Variants in FBXO36 observed in about 807,000 individuals in gnomAD.
FBXO36 encodes F-box protein 36, also known as F-box only protein 36.
Under a neutral mutation model 17.0 loss-of-function variants are expected in FBXO36, and 18 were observed. The ratio of observed to expected loss-of-function variants is 1.06; its 90% CI spans 0.73 to 1.57. The LOEUF is 1.57. Among genes scored for constraint, FBXO36 ranks in the 40% most tolerant of loss-of-function variants. The pLI is 0.00. For synonymous variants in FBXO36, 83 were observed against 85.3 expected (o/e 0.97, Z 0.15); for missense variants, 229 against 221.9 (o/e 1.03, Z -0.20).
chr2:229,964,228 T>TA (rs1158667835), intron 1 of FBXO36, among the ~76,000 whole-genome samples: 1 of 152,194 alleles, frequency 6.6e-6, no homozygotes, highest in African/African-American at 2.4e-5. Flanking sequence ...ATGCTTTTAA[T>TA]ACAGTAAAAA....
rs183365298 is a variant in FBXO36 at position 229,967,589 on chromosome 2, G to A, written c.97-8652G>A. Among the ~76,000 whole-genome samples, 14 of 152,230 alleles carry A rather than the reference G, an allele frequency of 9.2e-5. 1 individual carries two copies. The East Asian group carries it at 2.7e-3, about 29-fold the overall frequency. Reference sequence around the variant, plus strand: ...TTTATTGAGAGTTTTTAGCATGAAGGGCTGTTGAATTTCATCAGAGGCCTT... The same window carrying A: ...TTTATTGAGAGTTTTTAGCATGAAGAGCTGTTGAATTTCATCAGAGGCCTT... On this transcript the variant is annotated intron_variant, in intron 1 of 3. Transcript: ENST00000283946.
intron 2 of FBXO36, among the ~76,000 whole-genome samples, chr2:229,995,282 C>T (rs1157701602): frequency 1.3e-5 from 2 of 152,176 alleles, no homozygotes; most frequent in Non-Finnish European, 2.9e-5. Flanking sequence ...AACAAGTTTT[C>T]ATTTCTTGTT....
rs1279873820 is a variant in FBXO36, at chr2:229,938,478, ACTTT to A, written c.96+15874_96+15877del. 9.0e-5 allele frequency among the ~76,000 whole-genome samples: 10 copies of A among 111,150 alleles called. No individual in the cohort carries two copies. In the South Asian group the frequency reaches 1.1e-3, roughly 12 times the overall value. 72.9% of individuals were successfully genotyped at this position (111,150 alleles called of 152,430 possible). On this transcript the variant is annotated intron_variant, in intron 1 of 3. Transcript: ENST00000283946. ...CGCCAGACCGGATTGGTTAGATACA[ACTTT>A]CTTTTTTTTTTTTTTTCTTGAAGTG... is the stretch of plus-strand genomic sequence containing the variant.
At position 229,975,126 on chromosome 2, in the gene FBXO36, A is replaced by G. The variant is rs559993753; in HGVS notation, c.97-1115A>G. Among the ~76,000 whole-genome samples the G allele has an allele frequency of 1.2e-4, 19 of 152,346 alleles. No individual in the cohort carries two copies. In the South Asian group the frequency reaches 3.9e-3, roughly 32 times the overall value. ...ACACAGCCTTTAAGTGCAGTCCATA[A>G]CCATGGAAATGAAGTTTGCTTCAGA... On this transcript the variant is annotated intron_variant, in intron 1 of 3. Transcript: ENST00000283946.
At chr2:229,923,260 A>T (rs1232657596) in intron 1 of FBXO36, 1 of 150,296 alleles carries the variant, frequency 6.7e-6, no homozygotes, top group Non-Finnish European at 1.5e-5. Context: ...CAACAATAAG[A>T]CCGAGGATTA....
At chr2:229,937,671 T>A (rs962758098) in intron 1 of FBXO36, 1 of 152,248 alleles carries the variant, frequency 6.6e-6, no homozygotes, top group African/African-American at 2.4e-5. Flanking sequence ...CCAATCTTCC[T>A]GATCTCAAGT....
chr2:229,958,786 G>A (rs945678864), intron 1 of FBXO36, among the ~76,000 whole-genome samples: 5 of 152,080 alleles, frequency 3.3e-5, no homozygotes, highest in African/African-American at 9.7e-5. Context: ...CTACATTCTC[G>A]CCCTGTATGT....
At chr2:229,991,083 G>T (rs2077295457) in intron 2 of FBXO36, among the ~76,000 whole-genome samples, 1 of 151,864 alleles carries the variant, frequency 6.6e-6, no homozygotes, top group Non-Finnish European at 1.5e-5. Context: ...TTGCAGGCAA[G>T]CACCACCATG....
chr2:230,006,166 G>A (rs2077386352), intron 3 of FBXO36, among the ~76,000 whole-genome samples: 1 of 146,702 alleles, frequency 6.8e-6, no homozygotes, highest in Non-Finnish European at 1.5e-5. Flanking sequence ...CACAATCTTG[G>A]CTCACTGTAA....
At chr2:229,962,803 G>A (rs1391783026) in intron 1 of FBXO36, among the ~76,000 whole-genome samples, 4 of 151,292 alleles carry the variant, frequency 2.6e-5, no homozygotes, top group African/African-American at 7.3e-5. Context: ...TCAGACTTCC[G>A]AGTAGCTGGG....
chr2:229,949,536 T>TACAC (rs2077043906), intron 1 of FBXO36, among the ~76,000 whole-genome samples: 1 of 40,596 alleles, frequency 2.5e-5, no homozygotes, highest in South Asian at 1.5e-3. Context: ...ATGTAAAATG[T>TACAC]ATACACACAC....
chr2:229,929,241 C>T (rs2076927063), intron 1 of FBXO36, among the ~76,000 whole-genome samples: 1 of 149,978 alleles, frequency 6.7e-6, no homozygotes, highest in Admixed American at 6.7e-5. Flanking sequence ...GCCTCTTTTT[C>T]TTTTTAATAT....
At chr2:229,947,507 G>T (rs1042330713) in intron 1 of FBXO36, among the ~76,000 whole-genome samples, 4 of 152,192 alleles carry the variant, frequency 2.6e-5, no homozygotes, top group Non-Finnish European at 5.9e-5. Context: ...CCATGGGGAA[G>T]AAAAAGGGAT....
intron 1 of FBXO36, among the ~76,000 whole-genome samples, chr2:229,929,387 C>T (rs949937218): frequency 6.6e-6 from 1 of 151,560 alleles, no homozygotes; most frequent in Non-Finnish European, 1.5e-5. Context: ...CATGGTGAAA[C>T]CCCGTCTCTA....
In FBXO36 at chr2:229,922,622, C is replaced by T. The variant is rs2076768688; in HGVS notation, c.96+13C>T. ...CACCCGGTCTCAGGCAAGTGCGAGC[C>T]GCGGTTTACCCTCTCTCCTAACTCC... On this transcript the variant is annotated intron_variant, in intron 1 of 3. Transcript: ENST00000283946. 1 of 1,613,318 alleles carries T rather than the reference C, an allele frequency of 6.2e-7. No homozygotes were observed. Among genetic ancestry groups the T allele is most frequent in the African/African-American group, 1.3e-5 (1 of 74,930 alleles).
At chr2:229,997,372 G>A (rs1277929605) in intron 3 of FBXO36, among the ~76,000 whole-genome samples, 1 of 151,662 alleles carries the variant, frequency 6.6e-6, no homozygotes, top group Non-Finnish European at 1.5e-5. Flanking sequence ...GAGGTCAGGA[G>A]TTTGAGACCA....
intron 1 of FBXO36, among the ~76,000 whole-genome samples, chr2:229,931,924 T>A (rs2076940589): frequency 6.6e-6 from 1 of 151,338 alleles, no homozygotes; most frequent in African/African-American, 2.4e-5. Context: ...GTATATATTT[T>A]TTTTTTTTTT....
At chr2:229,924,376 A>G (rs2076892374) in intron 1 of FBXO36, among the ~76,000 whole-genome samples, 1 of 152,200 alleles carries the variant, frequency 6.6e-6, no homozygotes, top group Non-Finnish European at 1.5e-5. Context: ...TATAGACTTG[A>G]GCCACCGAGC....
chr2:230,003,208 TTAAAAAAAAAAAAAAA>T (rs2077369430), intron 3 of FBXO36, among the ~76,000 whole-genome samples: 1 of 76,274 alleles, frequency 1.3e-5, no homozygotes, highest in South Asian at 4.0e-4. Context: ...AGACTCCGTC[TTAAAAAAAAAAAAAAA>T]AAAAAAAAGT....
Sources: allele counts gnomAD v4.1 joint callset (sites outside exome capture counted in the v4.1 genomes callset), GRCh38; gene constraint gnomAD v4.1.1; transcripts MANE v1.5; gene names NCBI Gene and HGNC (gene_info 2026-07-23, HGNC 2026-07-21).